NRP1: variants seen among roughly 807,000 people sequenced by gnomAD.
NRP1 encodes the protein neuropilin-1.
In NRP1, 35 loss-of-function variants were observed where a neutral mutation model predicts 106.7. The ratio of observed to expected loss-of-function variants is 0.33; its 90% CI spans 0.25 to 0.43. The LOEUF is 0.43. Ranked by LOEUF, NRP1 falls within the 20% of genes least tolerant of loss-of-function variation. The pLI is 1.00. For synonymous variants in NRP1, 437 were observed against 417.9 expected, an observed-to-expected ratio of 1.05 and a Z score of -0.56; for missense variants, 1,024 against 1,170.4, an observed-to-expected ratio of 0.87 and a Z score of 1.83.
chr10:33,313,334 G>A (rs1025212581), intron 2 of NRP1, among the ~76,000 whole-genome samples: 5 of 152,058 alleles, frequency 3.3e-5, no homozygotes, highest in African/African-American at 1.2e-4. Context: ...TGGATCTAGG[G>A]AAGAAGAAAG....
intron 2 of NRP1, among the ~76,000 whole-genome samples, chr10:33,297,795 G>C (rs1012870030): frequency 6.6e-6 from 1 of 152,056 alleles, no homozygotes; most frequent in African/African-American, 2.4e-5. Flanking sequence ...TGACGGCAGA[G>C]GGAGAAGGAG....
At chr10:33,306,379 T>TGC (rs1846169697) in intron 2 of NRP1, among the ~76,000 whole-genome samples, 1 of 151,954 alleles carries the variant, frequency 6.6e-6, no homozygotes, top group Non-Finnish European at 1.5e-5. Context: ...TGTGTGTGTG[T>TGC]GTGTGTGCAC....
At chr10:33,276,311 G>A (rs1030858164) in intron 2 of NRP1, among the ~76,000 whole-genome samples, 1 of 152,070 alleles carries the variant, frequency 6.6e-6, no homozygotes, top group Non-Finnish European at 1.5e-5. Flanking sequence ...TCAAAGACGG[G>A]CTTTGCTTTT....
At chr10:33,325,094 A>T (rs1028042534) in intron 2 of NRP1, among the ~76,000 whole-genome samples, 1 of 152,168 alleles carries the variant, frequency 6.6e-6, no homozygotes, top group East Asian at 1.9e-4. Context: ...TGGCCTCTAG[A>T]TTGGTTTTGT....
intron 2 of NRP1, among the ~76,000 whole-genome samples, chr10:33,290,253 T>C (rs768639726): frequency 6.6e-6 from 1 of 151,820 alleles, no homozygotes; most frequent in African/African-American, 2.4e-5. Context: ...ATTTACAAAA[T>C]AAAAAGTTTC....
chr10:33,271,723 A>G (rs905222601), intron 2 of NRP1, among the ~76,000 whole-genome samples: 3 of 152,202 alleles, frequency 2.0e-5, no homozygotes, highest in Admixed American at 2.0e-4. Context: ...AAGATAAGAG[A>G]TAGTTGGATC....
intron 2 of NRP1, among the ~76,000 whole-genome samples, chr10:33,286,073 T>C (rs1279466223): frequency 6.6e-6 from 1 of 152,196 alleles, no homozygotes; most frequent in African/African-American, 2.4e-5. Context: ...CATGACAGCC[T>C]TACAGTTATC....
Position 33,186,470 on chromosome 10 carries a change from T to C in NRP1, c.2081A>G (p.Tyr694Cys). The C allele has an allele frequency of 6.2e-7, 1 of 1,612,292 alleles. No individual in the cohort carries two copies. Among genetic ancestry groups the C allele is most frequent in the Non-Finnish European group, 8.5e-7 (1 of 1,178,792 alleles). Residue 694 changes from tyrosine to cysteine, a missense_variant, in exon 14 of 17, where the codon TAT becomes TGT. By Grantham distance (194) the Tyr-to-Cys change is radical. Transcript: ENST00000374867. ...CTTCTGATTTTCGTCAGCTTGGGAATAGATGAAGTTGCCATCTCCTGCTGT... is the reference window on the plus strand; with the variant it reads ...CTTCTGATTTTCGTCAGCTTGGGAACAGATGAAGTTGCCATCTCCTGCTGT... ...QDHTGDGNFI[Y>C]SQADENQKGK...
intron 6 of NRP1, chr10:33,249,562 AC>A: frequency 2.0e-6 from 1 of 508,762 alleles, no homozygotes; most frequent in Non-Finnish European, 4.0e-6. Flanking sequence ...AGAATGATTA[AC>A]CAGAAACAAA....
intron 2 of NRP1, among the ~76,000 whole-genome samples, chr10:33,325,377 A>G (rs945997730): frequency 1.3e-5 from 2 of 152,176 alleles, no homozygotes; most frequent in African/African-American, 4.8e-5. Context: ...TTTTAATGTA[A>G]CATTTTTTAA....
At chr10:33,221,332 T>C (rs1254798936) in intron 8 of NRP1, among the ~76,000 whole-genome samples, 3 of 152,218 alleles carry the variant, frequency 2.0e-5, no homozygotes, top group African/African-American at 7.2e-5. Flanking sequence ...GCATGATACT[T>C]GCCTTCATGG....
intron 12 of NRP1, chr10:33,194,587 A>C: frequency 2.7e-6 from 1 of 367,032 alleles, no homozygotes; most frequent in South Asian, 2.2e-5. Flanking sequence ...TTACCTTCCA[A>C]TGTCCTTCCC....
chr10:33,211,542 A>T (rs922568890), intron 9 of NRP1: 1 of 152,246 alleles, frequency 6.6e-6, no homozygotes, highest in African/African-American at 2.4e-5. Flanking sequence ...AGAAACCACA[A>T]GTTAAGGAAG....
intron 6 of NRP1, among the ~76,000 whole-genome samples, chr10:33,238,968 T>A (rs1272312069): frequency 6.6e-6 from 1 of 151,572 alleles, no homozygotes; most frequent in Non-Finnish European, 1.5e-5. Context: ...GTACCTAGAT[T>A]ATAATTCCTT....
At chr10:33,207,836 C>T (rs1837927352) in intron 9 of NRP1, 120 bp from the exon 10 acceptor site, 1 of 986,906 alleles carries the variant, frequency 1.0e-6, no homozygotes, top group Non-Finnish European at 1.5e-6. Context: ...TTCATTCTAC[C>T]ACTTTGTGGT....
chr10:33,220,097 A>G (rs916979308), intron 8 of NRP1, among the ~76,000 whole-genome samples: 1 of 152,194 alleles, frequency 6.6e-6, no homozygotes, highest in Non-Finnish European at 1.5e-5. Flanking sequence ...ATAATAAACA[A>G]GTCTGTCTGT....
At chr10:33,271,726 G>T (rs1843321806) in intron 2 of NRP1, among the ~76,000 whole-genome samples, 1 of 152,158 alleles carries the variant, frequency 6.6e-6, no homozygotes, top group Non-Finnish European at 1.5e-5. Flanking sequence ...ATAAGAGATA[G>T]TTGGATCTTA....
intron 2 of NRP1, among the ~76,000 whole-genome samples, chr10:33,329,730 T>C (rs992531132): frequency 1.3e-5 from 2 of 151,966 alleles, no homozygotes; most frequent in African/African-American, 4.8e-5. Context: ...AAGATGGATA[T>C]TCAGGTTCAA....
intron 2 of NRP1, among the ~76,000 whole-genome samples, chr10:33,285,322 A>G (rs1844441193): frequency 6.6e-6 from 1 of 152,222 alleles, no homozygotes; most frequent in African/African-American, 2.4e-5. Flanking sequence ...CCAAGGTTGC[A>G]TTTTATAGAT....
Sources: allele counts gnomAD v4.1 joint callset (sites outside exome capture counted in the v4.1 genomes callset), GRCh38; gene constraint gnomAD v4.1.1; transcripts MANE v1.5; gene names NCBI Gene and HGNC (gene_info 2026-07-23, HGNC 2026-07-21).